The following DNAH10 variants were observed in gnomAD, a reference collection of about 807,000 sequenced individuals.
The protein encoded by DNAH10 is axonemal beta dynein heavy chain 10.
A neutral mutation model predicts 506.6 loss-of-function variants in DNAH10; 348 were observed. That is an observed-to-expected ratio of 0.69 (90% CI 0.63 to 0.75). DNAH10 has a LOEUF of 0.75. Ranked by LOEUF, DNAH10 falls within the 30% of genes least tolerant of loss-of-function variation. The probability of loss-of-function intolerance (pLI) is 0.00; values close to 1 mark genes in which losing one functional copy is unlikely to be tolerated. For synonymous variants in DNAH10, 2,059 were observed against 2,198.6 expected, an observed-to-expected ratio of 0.94 and a Z score of 1.78; for missense variants, 5,179 against 5,787.1, an observed-to-expected ratio of 0.89 and a Z score of 3.41.
chr12:123,841,549 A>G lies in DNAH10; in HGVS notation c.5360+4A>G, dbSNP rs773388947. 5.6e-6 allele frequency: 9 copies of G among 1,612,894 alleles called. No individual in the cohort carries two copies. The East Asian group carries it at 8.9e-5, about 16-fold the overall frequency. Reference sequence around the variant, plus strand: ...GATACTGTGAAGACAGAAGCAGGTAAGGCTGCGAATGTGGACATGCATTGC... The same window carrying G: ...GATACTGTGAAGACAGAAGCAGGTAGGGCTGCGAATGTGGACATGCATTGC... On this transcript the variant is annotated splice_donor_region_variant and intron_variant, in intron 30 of 78. Coordinates refer to ENST00000673944, the MANE Select transcript of DNAH10 (RefSeq NM_001372106.1).
Position 123,845,624 on chromosome 12 carries a change from G to C in DNAH10, c.5385G>C (p.Gln1795His). The C allele has an allele frequency of 1.2e-6, 2 of 1,613,364 alleles. No individual in the cohort carries two copies. The highest frequency in any genetic ancestry group is 8.5e-7 in the Non-Finnish European group (1 of 1,179,892). ...RSRVDWMLLY[Q>H]GMVVLAASQV... is the part of the protein sequence containing the mutation. ...GAGTCGACTGGATGCTCCTGTACCA[G>C]GGCATGGTGGTGCTGGCCGCTAGCC... The change falls in exon 31 of 79, where the codon CAG becomes CAC. Residue 1795 changes from glutamine to histidine, a missense_variant. Transcript: ENST00000673944.
At chr12:123,789,548 T>A (rs1958000387) in intron 10 of DNAH10, among the ~76,000 whole-genome samples, 1 of 152,124 alleles carries the variant, frequency 6.6e-6, no homozygotes. Flanking sequence ...CACACCCGGC[T>A]AATTTTTGTA....
At chr12:123,827,708 T>A (rs533196526) in intron 25 of DNAH10, among the ~76,000 whole-genome samples, 28 of 152,208 alleles carry the variant, frequency 1.8e-4, no homozygotes, top group Non-Finnish European at 2.8e-4. Flanking sequence ...GAGAAAGTCA[T>A]CCCTTCTTTG....
chr12:123,788,757 G>A (rs1957961595), intron 10 of DNAH10, among the ~76,000 whole-genome samples: 1 of 151,810 alleles, frequency 6.6e-6, no homozygotes, highest in South Asian at 2.1e-4. Flanking sequence ...GCAAGACCCT[G>A]TCTATTGAAA....
chr12:123,922,286 G>A (rs1403392209), intron 65 of DNAH10, among the ~76,000 whole-genome samples: 3 of 152,048 alleles, frequency 2.0e-5, no homozygotes, highest in South Asian at 2.1e-4. Context: ...TGAGGCAGGA[G>A]AATGGCTTGA....
intron 54 of DNAH10, 96 bp downstream of exon 54, chr12:123,894,819 C>A: frequency 9.0e-7 from 1 of 1,117,192 alleles, no homozygotes; most frequent in South Asian, 1.4e-5. Flanking sequence ...TAGATTTCTT[C>A]ACTGGAAAAC....
At chr12:123,772,726 A>G in intron 3 of DNAH10, 108 bp from the exon 4 acceptor site, 1 of 806,986 alleles carries the variant, frequency 1.2e-6, no homozygotes, top group Non-Finnish European at 2.0e-6. Context: ...TCAGAACATG[A>G]GACCAGCCAT....
At chr12:123,827,067 A>G (rs1266970791) in intron 25 of DNAH10, among the ~76,000 whole-genome samples, 169 bp downstream of exon 25, 1 of 152,184 alleles carries the variant, frequency 6.6e-6, no homozygotes, top group Non-Finnish European at 1.5e-5. Context: ...TTCTATGTAA[A>G]GTGTCTGTAA....
chr12:123,774,981 C>T (rs1957386932), intron 5 of DNAH10, among the ~76,000 whole-genome samples: 1 of 152,134 alleles, frequency 6.6e-6, no homozygotes, highest in African/African-American at 2.4e-5. Context: ...ACAAGCACAT[C>T]TATGAGAAAA....
chr12:123,777,835 ATT>A (rs71444917), intron 5 of DNAH10, among the ~76,000 whole-genome samples: 1 of 150,354 alleles, frequency 6.7e-6, no homozygotes, highest in African/African-American at 2.4e-5. Context: ...TGATTTTTGT[ATT>A]TTTTTTTTAA....
rs548382820 is a variant in DNAH10, at chr12:123,901,515, G to A, written c.9641-1424G>A. On this transcript the variant is annotated intron_variant, in intron 56 of 78. Transcript: ENST00000673944. ...CTTGTTAGCTGTGGAGATGGGTTCC[G>A]AGAGACCTTATCATGGGGGAGGCAG... is the stretch of plus-strand genomic sequence containing the variant. Among the ~76,000 whole-genome samples the A allele has an allele frequency of 4.6e-4, 70 of 152,320 alleles. 1 individual carries two copies. Among genetic ancestry groups the A allele is most frequent in the African/African-American group, 1.6e-3 (67 of 41,568 alleles).
chr12:123,887,261 C>T lies in DNAH10; in HGVS notation c.8943C>T (p.Ala2981=). ...CGATGATCTTTCTGTTCACGGATGC[C>T]CATGTGGCTGAGGAGGGCTTCCTGG... The part of the protein sequence containing the change: ...NKAMIFLFTD[A]HVAEEGFLEL... Residue 2981 remains alanine (A), a synonymous_variant, in exon 52 of 79, where the codon GCC becomes GCT. Transcript: ENST00000673944. 6.2e-7 allele frequency: 1 copy of T among 1,613,942 alleles called. No individual in the cohort carries two copies. Among genetic ancestry groups the T allele is most frequent in the Non-Finnish European group, 8.5e-7 (1 of 1,179,872 alleles).
Position 123,879,624 on chromosome 12 carries a change from C to A in DNAH10, c.8467-10C>A, listed in dbSNP as rs768557010. On this transcript the variant is annotated splice_polypyrimidine_tract_variant and intron_variant, in intron 49 of 78. Transcript: ENST00000673944. ...TGAGTTTGGGTCCTTAAGTGGGCTT[C>A]TGTTTCAAGGTACAACAGCACATAG... 1 of 1,613,814 alleles carries A rather than the reference C, an allele frequency of 6.2e-7. No individual in the cohort carries two copies. Among genetic ancestry groups the A allele is most frequent in the African/African-American group, 1.3e-5 (1 of 75,016 alleles).
chr12:123,934,349 A>C, intron 77 of DNAH10: 1 of 664,092 alleles, frequency 1.5e-6, no homozygotes, highest in South Asian at 1.6e-5. Flanking sequence ...TTGATGCCCC[A>C]GGAATGAGGA....
chr12:123,808,335 G>C (rs927401224), intron 18 of DNAH10, among the ~76,000 whole-genome samples: 6 of 151,990 alleles, frequency 3.9e-5, no homozygotes, highest in African/African-American at 1.4e-4. Flanking sequence ...CCCGCTAGAT[G>C]TTTTAAAATA....
intron 40 of DNAH10, among the ~76,000 whole-genome samples, chr12:123,865,344 T>C (rs967237057): frequency 6.6e-6 from 1 of 152,176 alleles, no homozygotes; most frequent in African/African-American, 2.4e-5. Flanking sequence ...CAAAGCCCTC[T>C]ATCTCTTAGG....
At chr12:123,934,095 G>C in intron 77 of DNAH10, 1 of 608,170 alleles carries the variant, frequency 1.6e-6, no homozygotes, top group Non-Finnish European at 3.0e-6. Flanking sequence ...CCAGGTCTCA[G>C]TGGCAGGGGA....
chr12:123,790,110 A>G lies in DNAH10; in HGVS notation c.1804A>G (p.Ile602Val). Residue 602 changes from isoleucine to valine, a missense_variant, in exon 11 of 79, where the codon ATT becomes GTT. By Grantham distance (29) the Ile-to-Val change is conservative. Around this residue, in one of 3 missense-constraint regions of DNAH10, gnomAD observed 4,844 missense variants for 5,430.5 expected, o/e 0.89. Coordinates refer to ENST00000673944, the MANE Select transcript of DNAH10 (RefSeq NM_001372106.1). Reference protein sequence around the residue: ...FWKYVMDEFKIEVLVIEKEAK... With the variant: ...FWKYVMDEFKVEVLVIEKEAK... ...GAAATATGTGATGGATGAATTCAAGATTGAAGTTCTGGCAAGTGACACGTC... is the reference window on the plus strand; with the variant it reads ...GAAATATGTGATGGATGAATTCAAGGTTGAAGTTCTGGCAAGTGACACGTC... The G allele has an allele frequency of 6.2e-7, 1 of 1,614,072 alleles. No homozygotes were observed. Among genetic ancestry groups the G allele is most frequent in the Middle Eastern group, 1.6e-4 (1 of 6,062 alleles).
chr12:123,797,930 G>C (rs563130650), intron 13 of DNAH10, among the ~76,000 whole-genome samples: 9 of 152,212 alleles, frequency 5.9e-5, no homozygotes, highest in Non-Finnish European at 1.0e-4. Context: ...TCTCTGCAAC[G>C]ACTCAACCTG....
Sources: allele counts gnomAD v4.1 joint callset (sites outside exome capture counted in the v4.1 genomes callset), GRCh38; gene constraint gnomAD v4.1.1; regional missense constraint gnomAD v4.1.1; transcripts MANE v1.5; gene names NCBI Gene and HGNC (gene_info 2026-07-23, HGNC 2026-07-21).